DOCK1: variants seen among roughly 807,000 people sequenced by gnomAD.
DOCK1 encodes the protein dedicator of cytokinesis protein 1.
A neutral mutation model predicts 262.7 loss-of-function variants in DOCK1; 138 were observed. That is an observed-to-expected ratio of 0.53 (90% CI 0.46 to 0.61). The LOEUF is 0.61. Among genes scored for constraint, DOCK1 ranks in the 20% least tolerant of loss-of-function variants. DOCK1 has a pLI of 0.00. For missense variants in DOCK1, 1,908 were observed against 2,370.7 expected (o/e 0.80, Z 4.05); for synonymous variants, 866 against 867.4 (o/e 1.00, Z 0.03).
intron 25 of DOCK1, among the ~76,000 whole-genome samples, chr10:127,114,022 A>T (rs2049024286): frequency 6.6e-6 from 1 of 152,144 alleles, no homozygotes; most frequent in Non-Finnish European, 1.5e-5. Flanking sequence ...ATCACAGAGT[A>T]TTTCTTCCAA....
At chr10:127,335,405 C>A (rs1278099153) in intron 29 of DOCK1, among the ~76,000 whole-genome samples, 5 of 152,222 alleles carry the variant, frequency 3.3e-5, no homozygotes, top group Admixed American at 3.3e-4. Context: ...ATCCTCCCAT[C>A]CAAACACTTG....
At chr10:127,278,580 A>G (rs1201443003) in intron 29 of DOCK1, among the ~76,000 whole-genome samples, 6 of 152,182 alleles carry the variant, frequency 3.9e-5, no homozygotes, top group Non-Finnish European at 7.3e-5. Flanking sequence ...TTTAACTGAA[A>G]AGACATATAT....
chr10:127,031,272 C>T (rs1238651927), intron 16 of DOCK1, among the ~76,000 whole-genome samples: 1 of 152,184 alleles, frequency 6.6e-6, no homozygotes, highest in Non-Finnish European at 1.5e-5. Flanking sequence ...CACAGTCTTT[C>T]TCATTGTCAT....
At chr10:127,191,173 C>A (rs541578931) in intron 27 of DOCK1, among the ~76,000 whole-genome samples, 1 of 152,134 alleles carries the variant, frequency 6.6e-6, no homozygotes, top group Non-Finnish European at 1.5e-5. Context: ...CAAGCATCAC[C>A]CACGAAGTGA....
chr10:127,334,084 TG>T (rs1195348482), intron 29 of DOCK1, among the ~76,000 whole-genome samples: 1 of 152,328 alleles, frequency 6.6e-6, no homozygotes, highest in African/African-American at 2.4e-5. Context: ...TGTATGTGTA[TG>T]GTATGCAGTC....
intron 29 of DOCK1, among the ~76,000 whole-genome samples, chr10:127,321,158 G>C (rs2062502151): frequency 6.6e-6 from 1 of 151,792 alleles, no homozygotes; most frequent in African/African-American, 2.4e-5. Flanking sequence ...GTCTTGCGCT[G>C]TTTCCCTCTG....
chr10:127,286,287 A>T (rs2061150054), intron 29 of DOCK1, among the ~76,000 whole-genome samples: 1 of 152,160 alleles, frequency 6.6e-6, no homozygotes, highest in African/African-American at 2.4e-5. Flanking sequence ...TTGAAGGATA[A>T]TTCAGATTTA....
chr10:126,965,447 G>A (rs1337217954), intron 1 of DOCK1, among the ~76,000 whole-genome samples: 1 of 152,140 alleles, frequency 6.6e-6, no homozygotes, highest in Non-Finnish European at 1.5e-5. Context: ...TGGAGTGAGA[G>A]TTCAGGAAGG....
chr10:127,091,748 G>C (rs888372650), intron 23 of DOCK1, among the ~76,000 whole-genome samples: 3 of 152,182 alleles, frequency 2.0e-5, no homozygotes, highest in Admixed American at 2.0e-4. Context: ...AGCAAAATCA[G>C]CTGACTAAGT....
intron 31 of DOCK1, among the ~76,000 whole-genome samples, chr10:127,353,191 A>G (rs1248176415): frequency 6.6e-6 from 1 of 152,060 alleles, no homozygotes; most frequent in Non-Finnish European, 1.5e-5. Context: ...GGGCTTCACC[A>G]CAGTTTTGCT....
intron 27 of DOCK1, among the ~76,000 whole-genome samples, chr10:127,143,290 G>A (rs2133325018): frequency 6.6e-6 from 1 of 152,310 alleles, no homozygotes; most frequent in African/African-American, 2.4e-5. Flanking sequence ...TGTCTTTGGG[G>A]TCTCTAGCCT....
chr10:127,423,039 T>C (rs1419638177), intron 46 of DOCK1, among the ~76,000 whole-genome samples: 1 of 152,208 alleles, frequency 6.6e-6, no homozygotes, highest in Non-Finnish European at 1.5e-5. Context: ...ATCAGTTTTC[T>C]AGTAACTTCA....
At chr10:127,371,425 T>A (rs1181504889) in intron 33 of DOCK1, among the ~76,000 whole-genome samples, 1 of 152,244 alleles carries the variant, frequency 6.6e-6, no homozygotes, top group East Asian at 1.9e-4. Flanking sequence ...CATACCTAGG[T>A]AGCTGTAGCT....
intron 32 of DOCK1, among the ~76,000 whole-genome samples, chr10:127,356,387 T>C (rs1047186628): frequency 6.6e-6 from 1 of 152,212 alleles, no homozygotes; most frequent in Non-Finnish European, 1.5e-5. Flanking sequence ...TCAAGAGCCT[T>C]CCAATTCCAA....
In DOCK1 at chr10:127,447,523, C is replaced by T. The variant is rs1395832222; in HGVS notation, c.5543C>T (p.Pro1848Leu). ...GACTTGCTGGGCTCGCCAACACCTCCACCTCCCCCTCCACACCAGAGGGTA... is the reference window on the plus strand; with the variant it reads ...GACTTGCTGGGCTCGCCAACACCTCTACCTCCCCCTCCACACCAGAGGGTA... ...NQDLLGSPTP[P>L]PPPPHQRHLP... Residue 1848 changes from proline to leucine, a missense_variant, in exon 51 of 52, where the codon CCA (proline) becomes CTA (leucine). Around this residue, in one of 9 missense-constraint regions of DOCK1, gnomAD observed 383 missense variants for 420.1 expected, o/e 0.91. Coordinates refer to ENST00000623213, the MANE Select transcript of DOCK1 (RefSeq NM_001290223.2). The T allele has an allele frequency of 1.2e-6, 2 of 1,613,794 alleles. No homozygotes were observed. Among genetic ancestry groups the T allele is most frequent in the South Asian group, 1.1e-5 (1 of 91,038 alleles).
At chr10:127,041,964 T>C (rs1427282288) in intron 19 of DOCK1, among the ~76,000 whole-genome samples, 1 of 152,242 alleles carries the variant, frequency 6.6e-6, no homozygotes, top group African/African-American at 2.4e-5. Flanking sequence ...GGGGTGGGAC[T>C]TGAAGCTGAC....
rs188368342 is a variant in DOCK1 at position 127,069,145 on chromosome 10, C to T, written c.2445+7369C>T. Among the ~76,000 whole-genome samples, 31 of 152,304 alleles carry T rather than the reference C, an allele frequency of 2.0e-4. No individual in the cohort carries two copies. The East Asian group carries it at 4.8e-3, about 24-fold the overall frequency. On this transcript the variant is annotated intron_variant, in intron 23 of 51. Transcript: ENST00000623213. ...GACTCTGTGCTTCTTTCATTGGCGC[C>T]GTGTGTCTGCCCTGCCTTGGTTTCC...
intron 29 of DOCK1, among the ~76,000 whole-genome samples, chr10:127,268,330 T>A (rs1475606681): frequency 2.6e-5 from 4 of 151,118 alleles, no homozygotes; most frequent in African/African-American, 7.3e-5. Flanking sequence ...ACCCTGTCTG[T>A]ACTAAAAATA....
At chr10:127,129,811 G>T (rs549326781) in intron 27 of DOCK1, among the ~76,000 whole-genome samples, 1 of 152,316 alleles carries the variant, frequency 6.6e-6, no homozygotes, top group Admixed American at 6.5e-5. Flanking sequence ...ATGGCATGCA[G>T]GGGTGGTGGC....
Sources: gnomAD v4.1 joint callset for allele counts (sites outside exome capture counted in the v4.1 genomes callset) on GRCh38, gnomAD v4.1.1 for gene constraint, gnomAD v4.1.1 regional missense constraint, MANE v1.5 for transcripts, NCBI Gene and HGNC (gene_info 2026-07-23, HGNC 2026-07-21) for gene names.